Variants in TSPAN2 observed in about 807,000 individuals in gnomAD.
TSPAN2 encodes the protein tetraspanin-2.
TSPAN2 carries 24 observed loss-of-function variants against 33.3 expected under a neutral mutation model. The ratio of observed to expected loss-of-function variants is 0.72; its 90% CI spans 0.52 to 1.01. TSPAN2 has a LOEUF of 1.01. TSPAN2 is among the 50% of genes least tolerant of loss of function. The pLI is 0.00. For missense variants in TSPAN2, 278 were observed against 281.3 expected (o/e 0.99, Z 0.08); for synonymous variants, 114 against 104.5 (o/e 1.09, Z -0.56).
chr1:115,059,538 C>T (rs1001821492), intron 4 of TSPAN2, among the ~76,000 whole-genome samples: 3 of 152,202 alleles, frequency 2.0e-5, no homozygotes, highest in African/African-American at 7.2e-5. Flanking sequence ...ATTCCTGTTA[C>T]CCCATTGGTT....
chr1:115,061,307 C>T (rs550443749), intron 3 of TSPAN2, among the ~76,000 whole-genome samples: 1 of 152,250 alleles, frequency 6.6e-6, no homozygotes, highest in Admixed American at 6.5e-5. Flanking sequence ...AACACTTTCT[C>T]TCCTCCTGCC....
Position 115,072,895 on chromosome 1 carries a change from A to T in TSPAN2, c.172+10T>A. 6.2e-7 allele frequency: 1 copy of T among 1,603,620 alleles called. No homozygotes were observed. Among genetic ancestry groups the T allele is most frequent in the Non-Finnish European group, 8.5e-7 (1 of 1,170,476 alleles). ...TCTGAGCTGGAGCTTAGGAAGCTGG[A>T]GTCACTCACCCACATAGAAATACTC... On this transcript the variant is annotated intron_variant, in intron 2 of 7. Coordinates refer to ENST00000369516, the MANE Select transcript of TSPAN2 (RefSeq NM_005725.6).
At chr1:115,054,153 C>T (rs886666683) in intron 6 of TSPAN2, among the ~76,000 whole-genome samples, 1 of 152,186 alleles carries the variant, frequency 6.6e-6, no homozygotes, top group Non-Finnish European at 1.5e-5. Flanking sequence ...TTATTAGTTT[C>T]TCCAACTTCA....
intron 1 of TSPAN2, among the ~76,000 whole-genome samples, chr1:115,076,036 G>C (rs990293727): frequency 6.6e-6 from 1 of 152,106 alleles, no homozygotes; most frequent in African/African-American, 2.4e-5. Context: ...GTCACATAAA[G>C]TACTAAGTGC....
chr1:115,051,867 C>T (rs1413023820), intron 7 of TSPAN2, among the ~76,000 whole-genome samples: 2 of 152,168 alleles, frequency 1.3e-5, no homozygotes, highest in Admixed American at 1.3e-4. Context: ...GCAACTCTCA[C>T]TTTACAGAGA....
intron 1 of TSPAN2, among the ~76,000 whole-genome samples, chr1:115,073,649 T>C (rs1157711823): frequency 6.6e-6 from 1 of 151,340 alleles, no homozygotes; most frequent in African/African-American, 2.4e-5. Context: ...GATAGCCTAG[T>C]CTTTTTTTTT....
At chr1:115,057,175 ATT>A (rs1453970707) in intron 6 of TSPAN2, among the ~76,000 whole-genome samples, 1 of 152,088 alleles carries the variant, frequency 6.6e-6, no homozygotes, top group Non-Finnish European at 1.5e-5. Flanking sequence ...CACAAAGCTC[ATT>A]TTCTTTTCTC....
intron 7 of TSPAN2, 67 bp from the exon 8 acceptor site, chr1:115,050,622 C>G: frequency 7.9e-7 from 1 of 1,262,358 alleles, no homozygotes; most frequent in Non-Finnish European, 1.2e-6. Flanking sequence ...GTTCAGCAGA[C>G]TTCCTGGGTG....
chr1:115,076,173 G>A (rs1648403041), intron 1 of TSPAN2, among the ~76,000 whole-genome samples: 1 of 152,168 alleles, frequency 6.6e-6, no homozygotes, highest in African/African-American at 2.4e-5. Flanking sequence ...GAATGAGTGA[G>A]AAGTCACTGG....
chr1:115,063,659 T>G (rs900695729), intron 2 of TSPAN2, among the ~76,000 whole-genome samples: 1 of 152,188 alleles, frequency 6.6e-6, no homozygotes, highest in African/African-American at 2.4e-5. Flanking sequence ...TCAACCCAGG[T>G]GCCCATCAAT....
At chr1:115,070,042 T>C (rs1051730039) in intron 2 of TSPAN2, among the ~76,000 whole-genome samples, 3 of 152,180 alleles carry the variant, frequency 2.0e-5, no homozygotes, top group Non-Finnish European at 4.4e-5. Flanking sequence ...AGCCCTTTGT[T>C]TCTGGAGAAA....
At chr1:115,065,042 A>G (rs562254326) in intron 2 of TSPAN2, among the ~76,000 whole-genome samples, 4 of 152,210 alleles carry the variant, frequency 2.6e-5, no homozygotes, top group Non-Finnish European at 5.9e-5. Flanking sequence ...GCTCACGGCA[A>G]AAACAACCTG....
At chr1:115,056,879 T>A (rs1647451799) in intron 6 of TSPAN2, among the ~76,000 whole-genome samples, 2 of 152,032 alleles carry the variant, frequency 1.3e-5, no homozygotes, top group Admixed American at 6.6e-5. Context: ...TGGTGACCAT[T>A]CCCTCCCCTT....
intron 1 of TSPAN2, 118 bp downstream of exon 1, chr1:115,089,246 C>T: frequency 1.3e-6 from 1 of 788,200 alleles, no homozygotes; most frequent in South Asian, 2.2e-5. Context: ...CGCGTTTGAG[C>T]ACCCAGCCCT....
At chr1:115,081,460 T>G (rs560078825) in intron 1 of TSPAN2, among the ~76,000 whole-genome samples, 3 of 152,340 alleles carry the variant, frequency 2.0e-5, no homozygotes, top group Admixed American at 1.3e-4. Context: ...AATTCACCTC[T>G]TCTGGGTGTT....
At chr1:115,078,564 A>G (rs916797685) in intron 1 of TSPAN2, among the ~76,000 whole-genome samples, 36 of 152,104 alleles carry the variant, frequency 2.4e-4, no homozygotes, top group African/African-American at 8.7e-4. Flanking sequence ...CCTTATAAGA[A>G]GAGACACCAG....
At chr1:115,089,231 G>A in intron 1 of TSPAN2, 133 bp downstream of exon 1, 1 of 600,308 alleles carries the variant, frequency 1.7e-6, no homozygotes, top group Non-Finnish European at 2.7e-6. Context: ...CCTTCTCCTC[G>A]CCTCCGCGTT....
rs776418587 is a variant in TSPAN2, at chr1:115,057,536, C to G, written c.516+1G>C. The G allele has an allele frequency of 6.2e-7, 1 of 1,613,852 alleles. No individual in the cohort carries two copies. Among genetic ancestry groups the G allele is most frequent in the African/African-American group, 1.3e-5 (1 of 74,920 alleles). ...GAGTAAGAACCTTGGTAGAAGCTTA[C>G]CTTGTGTCCTAGAAGCTCCTTTGGG... On this transcript the variant is annotated splice_donor_variant, in intron 6 of 7. Transcript: ENST00000369516. LOFTEE classifies it high-confidence loss of function.
At chr1:115,051,630 T>C (rs997779760) in intron 7 of TSPAN2, among the ~76,000 whole-genome samples, 1 of 152,100 alleles carries the variant, frequency 6.6e-6, no homozygotes, top group Non-Finnish European at 1.5e-5. Flanking sequence ...AAAAAATGGG[T>C]ACTATAACTT....
Sources: gnomAD v4.1 joint callset for allele counts (sites outside exome capture counted in the v4.1 genomes callset) on GRCh38, gnomAD v4.1.1 for gene constraint, MANE v1.5 for transcripts, NCBI Gene and HGNC (gene_info 2026-07-23, HGNC 2026-07-21) for gene names.